Variants in TMEM229B observed in about 807,000 individuals in gnomAD.
The protein encoded by TMEM229B is transmembrane protein 229B, also known as chromosome 14 open reading frame 83.
In TMEM229B, 6 loss-of-function variants were observed where a neutral mutation model predicts 13.7. The ratio of observed to expected loss-of-function variants is 0.44; its 90% CI spans 0.24 to 0.86. The LOEUF (loss-of-function observed/expected upper bound fraction) is 0.86. Among genes scored for constraint, TMEM229B ranks in the 40% least tolerant of loss-of-function variants. TMEM229B has a pLI of 0.23. For synonymous variants in TMEM229B, 107 were observed against 102.1 expected (o/e 1.05, Z -0.29); for missense variants, 170 against 236.0 (o/e 0.72, Z 1.83).
intron 1 of TMEM229B, among the ~76,000 whole-genome samples, chr14:67,511,308 TA>T (rs1186484513): frequency 7.2e-5 from 11 of 152,082 alleles, no homozygotes; most frequent in African/African-American, 2.7e-4. Context: ...TCATATTTAT[TA>T]GCTCTCCCTA....
chr14:67,475,295 G>A (rs1437931530), intron 2 of TMEM229B, among the ~76,000 whole-genome samples: 1 of 152,132 alleles, frequency 6.6e-6, no homozygotes, highest in African/African-American at 2.4e-5. Flanking sequence ...ATCCATTGAT[G>A]GACACCTGGG....
chr14:67,529,764 A>G (rs1432958304), intron 1 of TMEM229B, among the ~76,000 whole-genome samples: 1 of 152,148 alleles, frequency 6.6e-6, no homozygotes, highest in Non-Finnish European at 1.5e-5. Flanking sequence ...ATTGCTCCCA[A>G]AGATTCAGCA....
At chr14:67,498,363 T>A (rs2032475505) in intron 1 of TMEM229B, among the ~76,000 whole-genome samples, 1 of 152,122 alleles carries the variant, frequency 6.6e-6, no homozygotes, top group African/African-American at 2.4e-5. Context: ...TAATCTGAGT[T>A]TTGTGAGTTG....
At chr14:67,476,799 C>T (rs1220679516) in intron 2 of TMEM229B, among the ~76,000 whole-genome samples, 2 of 152,076 alleles carry the variant, frequency 1.3e-5, no homozygotes, top group African/African-American at 4.8e-5. Context: ...ATCTCTTAGA[C>T]ATACGTACCA....
chr14:67,474,914 CTTTT>C (rs71129825), intron 2 of TMEM229B, among the ~76,000 whole-genome samples: 5 of 124,952 alleles, frequency 4.0e-5, no homozygotes, highest in African/African-American at 3.1e-5. Flanking sequence ...GAATTTCCTT[CTTTT>C]TTTTTTTTTT....
chr14:67,525,474 A>G (rs2033352324), intron 1 of TMEM229B, among the ~76,000 whole-genome samples: 1 of 151,880 alleles, frequency 6.6e-6, no homozygotes, highest in Non-Finnish European at 1.5e-5. Flanking sequence ...CCCCTCTTTT[A>G]TTTTGCTGTT....
intron 1 of TMEM229B, among the ~76,000 whole-genome samples, chr14:67,529,808 A>G (rs763199573): frequency 6.6e-6 from 1 of 152,186 alleles, no homozygotes; most frequent in African/African-American, 2.4e-5. Context: ...TTGTGACCCA[A>G]GGCAGAGAGC....
At position 67,473,410 on chromosome 14, in the gene TMEM229B, C is replaced by G. The variant is rs750957266; in HGVS notation, c.*10G>C. Reference sequence around the variant, plus strand: ...ATGAGAGATCCCCAGGCCCCCCACCCGCTTCCTGCTCAGTCAGTCTTGACA... The same window carrying G: ...ATGAGAGATCCCCAGGCCCCCCACCGGCTTCCTGCTCAGTCAGTCTTGACA... On this transcript the variant is annotated 3_prime_UTR_variant, in exon 3 of 3. Transcript: ENST00000554480. The surrounding 1 kb of genome is among the most constrained non-coding windows in gnomAD (Gnocchi z 6.5). 1 of 1,611,304 alleles carries G rather than the reference C, an allele frequency of 6.2e-7. No individual in the cohort carries two copies. The highest frequency in any genetic ancestry group is 8.5e-7 in the Non-Finnish European group (1 of 1,178,366).
In TMEM229B at chr14:67,488,519, AG is replaced by A. The variant is rs1303605487; in HGVS notation, c.-204del. 6 of 152,330 alleles carry A rather than the reference AG, an allele frequency of 3.9e-5. No individual in the cohort carries two copies. Among genetic ancestry groups the A allele is most frequent in the African/African-American group, 1.2e-4 (5 of 41,448 alleles). 9.4% of individuals were successfully genotyped at this position (152,330 alleles called of 1,614,324 possible). A position where few individuals can be genotyped will look rare whatever the true frequency, so the allele number is the denominator to read the frequency against. On this transcript the variant is annotated 5_prime_UTR_variant, in exon 1 of 3. Transcript: ENST00000554480. ...TCTGTCCATCTTACCGGCTTCTTCC[AG>A]CCTGCCGGATGGCGGACAGGGGTCA...
intron 2 of TMEM229B, among the ~76,000 whole-genome samples, chr14:67,481,400 G>T (rs1470090930): frequency 6.6e-6 from 1 of 152,186 alleles, no homozygotes; most frequent in Non-Finnish European, 1.5e-5. Flanking sequence ...GTAGATGGAG[G>T]GGAAGCACAC....
chr14:67,494,672 C>A (rs1274685005), intron 1 of TMEM229B, among the ~76,000 whole-genome samples: 1 of 152,232 alleles, frequency 6.6e-6, no homozygotes, highest in Non-Finnish European at 1.5e-5. Context: ...CTCCTGTCCA[C>A]AGCCGGTGAT....
intron 2 of TMEM229B, among the ~76,000 whole-genome samples, chr14:67,483,018 T>G (rs1413373532): frequency 6.6e-6 from 1 of 152,114 alleles, no homozygotes; most frequent in Non-Finnish European, 1.5e-5. Flanking sequence ...TTTGTTTGTT[T>G]TTTGTTTTTT....
chr14:67,519,906 A>G (rs144824497), upstream of TMEM229B, among the ~76,000 whole-genome samples: 18 of 151,560 alleles, frequency 1.2e-4, no homozygotes, highest in African/African-American at 4.4e-4. Context: ...TATTTTTTGT[A>G]GAGACTGGAT....
intron 1 of TMEM229B, among the ~76,000 whole-genome samples, chr14:67,510,027 T>TA (rs200502489): frequency 0.025 from 2,100 of 83,836 alleles, 62 homozygotes; most frequent in African/African-American, 0.06. Flanking sequence ...ATTTTTTTAT[T>TA]AAAAAAAAAA....
chr14:67,522,360 G>A (rs1396638733), intron 1 of TMEM229B, among the ~76,000 whole-genome samples: 1 of 152,194 alleles, frequency 6.6e-6, no homozygotes, highest in Non-Finnish European at 1.5e-5. Flanking sequence ...CAAACTCCAA[G>A]CTGGTCACCT....
chr14:67,490,248 G>T (rs534795208), upstream of TMEM229B, among the ~76,000 whole-genome samples: 3 of 152,306 alleles, frequency 2.0e-5, no homozygotes, highest in South Asian at 6.2e-4. Context: ...GTCTCTGCAG[G>T]TGAAGGAAGC....
chr14:67,522,996 T>A (rs1476832128), intron 1 of TMEM229B, among the ~76,000 whole-genome samples: 1 of 152,224 alleles, frequency 6.6e-6, no homozygotes, highest in Non-Finnish European at 1.5e-5. Context: ...TCTTGCCTAG[T>A]ACTGTGCTGT....
At chr14:67,516,398 AG>A (rs1339895609), upstream of TMEM229B, among the ~76,000 whole-genome samples, 2 of 55,082 alleles carry the variant, frequency 3.6e-5, no homozygotes, top group African/African-American at 8.5e-5. Flanking sequence ...CTAGCTGGAG[AG>A]GGGGGGAAAT....
At chr14:67,501,638 G>C (rs76387177) in intron 1 of TMEM229B, among the ~76,000 whole-genome samples, 6,616 of 152,288 alleles carry the variant, frequency 0.043, 187 homozygotes, top group East Asian at 0.091. Flanking sequence ...CAGGGTCCCA[G>C]GTGAGGTTCT....
Sources: allele counts gnomAD v4.1 joint callset (sites outside exome capture counted in the v4.1 genomes callset), GRCh38; gene constraint gnomAD v4.1.1; non-coding constraint Gnocchi (gnomAD v3.1); transcripts MANE v1.5; gene names NCBI Gene and HGNC (gene_info 2026-07-23, HGNC 2026-07-21).